The following AP2B1 variants were observed in gnomAD, a reference collection of about 807,000 sequenced individuals.
The protein encoded by AP2B1 is adaptor related protein complex 2 subunit beta 1.
In AP2B1, 23 loss-of-function variants were observed where a neutral mutation model predicts 102.0. The ratio of observed to expected loss-of-function variants is 0.23; its 90% CI spans 0.16 to 0.32. The LOEUF (loss-of-function observed/expected upper bound fraction) is 0.32, where lower values mean the gene tolerates loss of function less well. Among genes scored for constraint, AP2B1 ranks in the 10% least tolerant of loss-of-function variants. The pLI is 1.00. For synonymous variants in AP2B1, 381 were observed against 421.2 expected (o/e 0.90, Z 1.17); for missense variants, 541 against 1,157.4 (o/e 0.47, Z 7.73).
At chr17:35,591,221 C>T (rs1012926108) in intron 1 of AP2B1, among the ~76,000 whole-genome samples, 1 of 151,398 alleles carries the variant, frequency 6.6e-6, no homozygotes, top group African/African-American at 2.4e-5. Context: ...CACGGTGATC[C>T]CAACATGTAG....
At chr17:35,680,586 G>T (rs1598270067) in intron 17 of AP2B1, among the ~76,000 whole-genome samples, 1 of 151,854 alleles carries the variant, frequency 6.6e-6, no homozygotes, top group African/African-American at 2.4e-5. Flanking sequence ...GCCCAAGCTG[G>T]TCTTGAACTG....
chr17:35,697,690 C>T (rs1023856093), intron 18 of AP2B1, among the ~76,000 whole-genome samples: 1 of 152,186 alleles, frequency 6.6e-6, no homozygotes, highest in Non-Finnish European at 1.5e-5. Context: ...CTGCTGGGCA[C>T]GGTGGCTCAC....
Position 35,639,637 on chromosome 17 carries a change from G to T in AP2B1, c.1314G>T (p.Ser438=). The T allele has an allele frequency of 1.2e-6, 2 of 1,613,876 alleles. No individual in the cohort carries two copies. Among genetic ancestry groups the T allele is most frequent in the Non-Finnish European group, 1.7e-6 (2 of 1,179,932 alleles). The part of the protein sequence containing the change: ...IIATLCENLD[S]LDEPDARAAM... ...CCACTCTGTGTGAGAACTTAGACTC[G>T]CTGGATGAGCCAGATGCTCGAGCAG... Residue 438 remains serine (S), a synonymous_variant, in exon 11 of 22, where the codon TCG becomes TCT. Coordinates refer to ENST00000610402, the MANE Select transcript of AP2B1 (RefSeq NM_001030006.2).
intron 12 of AP2B1, 22 bp from the exon 13 acceptor site, chr17:35,650,508 C>T: frequency 1.9e-6 from 3 of 1,610,862 alleles, no homozygotes; most frequent in Non-Finnish European, 2.5e-6. Flanking sequence ...TCTCCACCTC[C>T]TTGCCTTTGC....
At chr17:35,650,449 G>A in intron 12 of AP2B1, 81 bp from the exon 13 acceptor site, 4 of 1,511,236 alleles carry the variant, frequency 2.6e-6, no homozygotes, top group Non-Finnish European at 3.6e-6. Flanking sequence ...TACAACATTG[G>A]TTGATGATAA....
intron 10 of AP2B1, 54 bp downstream of exon 10, chr17:35,636,510 G>T: frequency 7.1e-7 from 1 of 1,410,956 alleles, no homozygotes. Flanking sequence ...AAATGTTTAA[G>T]GCACTTTGAA....
intron 9 of AP2B1, among the ~76,000 whole-genome samples, chr17:35,630,600 C>T (rs2074435592): frequency 6.6e-6 from 1 of 152,160 alleles, no homozygotes; most frequent in Non-Finnish European, 1.5e-5. Flanking sequence ...ATATCTTATT[C>T]TGAAGTTCAG....
intron 13 of AP2B1, among the ~76,000 whole-genome samples, chr17:35,657,323 C>G (rs912944367): frequency 1.3e-5 from 2 of 152,146 alleles, no homozygotes; most frequent in Non-Finnish European, 2.9e-5. Flanking sequence ...ACAGTGTTCC[C>G]TCATAGACGT....
At chr17:35,627,557 G>A (rs2074353593) in intron 8 of AP2B1, 52 bp downstream of exon 8, 3 of 1,613,094 alleles carry the variant, frequency 1.9e-6, no homozygotes, top group African/African-American at 2.7e-5. Context: ...TTAAGGTCTG[G>A]CCTTTAAAGA....
intron 20 of AP2B1, 31 bp from the exon 21 acceptor site, chr17:35,717,164 A>G: frequency 6.2e-6 from 10 of 1,609,706 alleles, no homozygotes; most frequent in Non-Finnish European, 8.5e-6. Context: ...ATTTTAACTG[A>G]AGGTGTTGGA....
chr17:35,650,461 T>G (rs977063699), intron 12 of AP2B1, 69 bp from the exon 13 acceptor site: 40 of 1,550,220 alleles, frequency 2.6e-5, no homozygotes, highest in Non-Finnish European at 3.2e-5. Flanking sequence ...TGATGATAAA[T>G]CCAGCAGTTT....
chr17:35,680,348 A>G (rs2075790735), intron 17 of AP2B1, among the ~76,000 whole-genome samples: 1 of 151,876 alleles, frequency 6.6e-6, no homozygotes, highest in South Asian at 2.1e-4. Flanking sequence ...CTTCATCTTT[A>G]TAAAATTTTG....
rs1567902413 is a variant in AP2B1 at position 35,650,596 on chromosome 17, G to A, written c.1603G>A (p.Val535Ile). The A allele has an allele frequency of 1.2e-6, 2 of 1,614,104 alleles. No homozygotes were observed. The highest frequency in any genetic ancestry group is 1.7e-6 in the Non-Finnish European group (2 of 1,180,028). ...IYWRLLSTDP[V>I]TAKEVVLSEK... ...TTGGCGCCTTCTCTCAACTGACCCTGTTACAGCTAAAGAAGTAGTCTTGTC... is the reference window on the plus strand; with the variant it reads ...TTGGCGCCTTCTCTCAACTGACCCTATTACAGCTAAAGAAGTAGTCTTGTC... The change falls in exon 13 of 22, where the codon GTT (valine) becomes ATT (isoleucine). Residue 535 changes from valine to isoleucine, a missense_variant. By Grantham distance (29) the Val-to-Ile change is conservative. Transcript: ENST00000610402.
chr17:35,718,213 T>C (rs2085237311), intron 21 of AP2B1, among the ~76,000 whole-genome samples: 3 of 152,188 alleles, frequency 2.0e-5, no homozygotes. Context: ...CAGCTAAGTC[T>C]GTTTTCACTA....
Position 35,627,435 on chromosome 17 carries a change from A to T in AP2B1, c.989A>T (p.Asp330Val). 1 of 1,613,866 alleles carries T rather than the reference A, an allele frequency of 6.2e-7. No homozygotes were observed. The highest frequency in any genetic ancestry group is 8.5e-7 in the Non-Finnish European group (1 of 1,179,926). The change falls in exon 8 of 22, where the codon GAT becomes GTT. Residue 330 changes from aspartate to valine, a missense_variant. Physicochemically the swap from Asp to Val is radical, Grantham distance 152 (BLOSUM62 -3). Transcript: ENST00000610402. The stretch of plus-strand genomic sequence containing the variant: ...AAAGTCTTCTTTGTGAAGTACAATG[A>T]TCCCATCTATGTTAAACTAGAGAAG... ...EIKVFFVKYNDPIYVKLEKLD... is the reference protein window; with the variant it reads ...EIKVFFVKYNVPIYVKLEKLD...
chr17:35,639,654 C>G lies in AP2B1; in HGVS notation c.1331C>G (p.Ala444Gly), dbSNP rs2074711194. Residue 444 changes from alanine (A) to glycine (G), a missense_variant, in exon 11 of 22, where the codon GCT (alanine) becomes GGT (glycine). Coordinates refer to ENST00000610402, the MANE Select transcript of AP2B1 (RefSeq NM_001030006.2). Reference sequence around the variant, plus strand: ...TTAGACTCGCTGGATGAGCCAGATGCTCGAGCAGCTATGATTTGGATTGTG... The same window carrying G: ...TTAGACTCGCTGGATGAGCCAGATGGTCGAGCAGCTATGATTTGGATTGTG... ...ENLDSLDEPD[A>G]RAAMIWIVGE... 1 of 1,613,944 alleles carries G rather than the reference C, an allele frequency of 6.2e-7. No individual in the cohort carries two copies. The highest frequency in any genetic ancestry group is 8.5e-7 in the Non-Finnish European group (1 of 1,179,962).
At chr17:35,719,051 AAG>A (rs2085274884) in intron 21 of AP2B1, among the ~76,000 whole-genome samples, 1 of 152,150 alleles carries the variant, frequency 6.6e-6, no homozygotes, top group African/African-American at 2.4e-5. Flanking sequence ...AAATTTTAAA[AAG>A]TATTTTATTT....
chr17:35,677,852 A>G (rs967857814), intron 17 of AP2B1, among the ~76,000 whole-genome samples: 1 of 129,768 alleles, frequency 7.7e-6, no homozygotes, highest in African/African-American at 3.0e-5. Context: ...TTGATGTTAT[A>G]GTAAATAGTT....
chr17:35,696,179 T>C (rs587601871), intron 18 of AP2B1, among the ~76,000 whole-genome samples: 4 of 152,244 alleles, frequency 2.6e-5, no homozygotes, highest in African/African-American at 9.6e-5. Context: ...TCACTTATCT[T>C]AGAATAGGGT....
Sources: allele counts gnomAD v4.1 joint callset (sites outside exome capture counted in the v4.1 genomes callset), GRCh38; gene constraint gnomAD v4.1.1; transcripts MANE v1.5; gene names NCBI Gene and HGNC (gene_info 2026-07-23, HGNC 2026-07-21).